PLCB4: variants seen among roughly 807,000 people sequenced by gnomAD.
The protein encoded by PLCB4 is phospholipase C beta 4.
In PLCB4, 77 loss-of-function variants were observed where a neutral mutation model predicts 178.8. That is an observed-to-expected ratio of 0.43 (90% CI 0.36 to 0.52). The LOEUF is 0.52. PLCB4 is among the 20% of genes least tolerant of loss of function. The pLI is 0.00. For missense variants in PLCB4, 1,024 were observed against 1,453.4 expected (o/e 0.70, Z 4.80); for synonymous variants, 496 against 490.8 (o/e 1.01, Z -0.14).
At chr20:9,119,522 A>C (rs1412936674) in intron 2 of PLCB4, among the ~76,000 whole-genome samples, 2 of 151,716 alleles carry the variant, frequency 1.3e-5, no homozygotes, top group East Asian at 3.9e-4. Flanking sequence ...AAAGGAGAAA[A>C]AAAAAAAAAA....
chr20:9,232,134 G>A (rs1034472166), intron 3 of PLCB4, among the ~76,000 whole-genome samples: 2 of 152,144 alleles, frequency 1.3e-5, no homozygotes, highest in Non-Finnish European at 2.9e-5. Context: ...GCAGATCAGT[G>A]GTTGCTTACA....
At chr20:9,294,729 G>A (rs1272394893) in intron 3 of PLCB4, among the ~76,000 whole-genome samples, 2 of 152,066 alleles carry the variant, frequency 1.3e-5, no homozygotes, top group African/African-American at 4.8e-5. Flanking sequence ...TGGCTAGCTG[G>A]ATACACCGTG....
intron 3 of PLCB4, among the ~76,000 whole-genome samples, chr20:9,236,441 CGT>C (rs1568996370): frequency 6.6e-6 from 1 of 152,056 alleles, no homozygotes; most frequent in African/African-American, 2.4e-5. Context: ...CTTTTGTGTG[CGT>C]GTGTTTTTTT....
chr20:9,311,781 C>A (rs1229139822), intron 4 of PLCB4, among the ~76,000 whole-genome samples: 1 of 152,170 alleles, frequency 6.6e-6, no homozygotes, highest in East Asian at 1.9e-4. Flanking sequence ...CACACAAAAT[C>A]TAAAAAGAGC....
chr20:9,416,885 T>G (rs1250841480), intron 25 of PLCB4, among the ~76,000 whole-genome samples: 1 of 152,174 alleles, frequency 6.6e-6, no homozygotes, highest in Non-Finnish European at 1.5e-5. Context: ...TAACACTTTG[T>G]TTTTTGTTCA....
At chr20:9,421,509 A>C in intron 27 of PLCB4, 48 bp downstream of exon 27, 1 of 1,515,300 alleles carries the variant, frequency 6.6e-7, no homozygotes, top group Non-Finnish European at 9.1e-7. Context: ...CTTGGGAGCC[A>C]TGTTTTAGTT....
chr20:9,111,702 A>G (rs1490677158), intron 2 of PLCB4, among the ~76,000 whole-genome samples: 1 of 152,164 alleles, frequency 6.6e-6, no homozygotes, highest in Non-Finnish European at 1.5e-5. Flanking sequence ...TTTTAACACA[A>G]ATGGATAATT....
At chr20:9,337,447 T>A (rs1417687408) in intron 5 of PLCB4, among the ~76,000 whole-genome samples, 4 of 152,210 alleles carry the variant, frequency 2.6e-5, no homozygotes, top group Admixed American at 6.5e-5. Flanking sequence ...AGTCATTGAA[T>A]GTTGTGAAAG....
chr20:9,121,180 C>A (rs931571555), intron 2 of PLCB4, among the ~76,000 whole-genome samples: 33 of 152,302 alleles, frequency 2.2e-4, no homozygotes, highest in African/African-American at 7.5e-4. Flanking sequence ...TTTGTGGCCA[C>A]CACAGTACCC....
intron 3 of PLCB4, among the ~76,000 whole-genome samples, chr20:9,289,810 C>T (rs1314504898): frequency 1.3e-5 from 2 of 152,102 alleles, no homozygotes; most frequent in East Asian, 1.9e-4. Flanking sequence ...GCTTTCTGAG[C>T]TTTACTTTCC....
chr20:9,425,038 C>T (rs1469386216), intron 28 of PLCB4, among the ~76,000 whole-genome samples: 9 of 150,094 alleles, frequency 6.0e-5, no homozygotes. Context: ...TCCTCCTTCT[C>T]CTTTGTCTTT....
intron 28 of PLCB4, among the ~76,000 whole-genome samples, chr20:9,434,863 A>G (rs576779071): frequency 3.1e-4 from 47 of 152,310 alleles, no homozygotes; most frequent in African/African-American, 1.1e-3. Flanking sequence ...TAAATTATGG[A>G]TGGTTTCAAG....
At chr20:9,413,761 C>T (rs1395838125) in intron 25 of PLCB4, among the ~76,000 whole-genome samples, 2 of 152,004 alleles carry the variant, frequency 1.3e-5, no homozygotes, top group East Asian at 1.9e-4. Flanking sequence ...CTCTCTCCAC[C>T]GTTATTTATT....
At chr20:9,228,292 G>GA (rs1405546659) in intron 3 of PLCB4, among the ~76,000 whole-genome samples, 1 of 152,084 alleles carries the variant, frequency 6.6e-6, no homozygotes, top group East Asian at 1.9e-4. Context: ...TCAAAATCAG[G>GA]AAAAAAATCA....
chr20:9,472,817 C>T lies in PLCB4; in HGVS notation c.3378C>T (p.Asn1126=). The part of the protein sequence containing the change: ...ERRVRELNSS[N]TKKFLEERKR... ...GAGTCAGGGAGTTAAACAGCAGCAA[C>T]ACTAAAAAGTTTCTGGAAGAAAGAA... The change falls in exon 37 of 40, where the codon AAC becomes AAT. Residue 1126 remains asparagine, a synonymous_variant. Transcript: ENST00000378473. 6.2e-7 allele frequency: 1 copy of T among 1,601,130 alleles called. No homozygotes were observed. Among genetic ancestry groups the T allele is most frequent in the Non-Finnish European group, 8.5e-7 (1 of 1,171,620 alleles).
At position 9,410,088 on chromosome 20, in the gene PLCB4, C is replaced by T. The variant is rs2039751519; in HGVS notation, c.1999+907C>T. On this transcript the variant is annotated intron_variant, in intron 24 of 39. Coordinates refer to ENST00000378473, the MANE Select transcript of PLCB4 (RefSeq NM_001377142.1). ...TTTAAGAATCCCTGTCACTTCGTTC[C>T]CTGCTATGTGGATTGAGTGGAAGAT... Among the ~76,000 whole-genome samples the T allele has an allele frequency of 2.6e-5, 4 of 152,228 alleles. No individual in the cohort carries two copies. The South Asian group carries it at 8.3e-4, about 32-fold the overall frequency.
At chr20:9,326,469 G>A (rs16995763) in intron 4 of PLCB4, among the ~76,000 whole-genome samples, 41,070 of 151,982 alleles carry the variant, frequency 0.27, 7,640 homozygotes, top group African/African-American at 0.53. Flanking sequence ...AGGGAGAGAC[G>A]TTTTCATTTT....
chr20:9,437,040 T>C lies in PLCB4; in HGVS notation c.2652T>C (p.Asn884=). The change falls in exon 30 of 40, where the codon AAT becomes AAC. Residue 884 remains asparagine, a synonymous_variant. Coordinates refer to ENST00000378473, the MANE Select transcript of PLCB4 (RefSeq NM_001377142.1). ...IADVPSDTSK[N]DKKGKANTAK... is the part of the protein sequence containing the mutation. ...ACGTGCCCAGTGACACTTCCAAAAA[T>C]GACAAGAAAGGAAAGGCCAACACCG... is the stretch of plus-strand genomic sequence containing the variant. 1 of 1,613,978 alleles carries C rather than the reference T, an allele frequency of 6.2e-7. No individual in the cohort carries two copies. Among genetic ancestry groups the C allele is most frequent in the Non-Finnish European group, 8.5e-7 (1 of 1,179,972 alleles).
rs533813455 is a variant in PLCB4, at chr20:9,378,854, G to C, written c.745-1200G>C. On this transcript the variant is annotated intron_variant, in intron 12 of 39. Transcript: ENST00000378473. ...TGAGGAAATGACATCCAAGTGCTCT[G>C]TTGGCCAAAAGCATTCATTCTGTGT... is the stretch of plus-strand genomic sequence containing the variant. Among the ~76,000 whole-genome samples the C allele has an allele frequency of 1.8e-3, 277 of 152,278 alleles. 3 individuals are homozygous for C. Among genetic ancestry groups the C allele is most frequent in the African/African-American group, 6.0e-3 (250 of 41,570 alleles).
Sources: allele counts gnomAD v4.1 joint callset (sites outside exome capture counted in the v4.1 genomes callset), GRCh38; gene constraint gnomAD v4.1.1; transcripts MANE v1.5; gene names NCBI Gene and HGNC (gene_info 2026-07-23, HGNC 2026-07-21).